DACH2: variants seen among roughly 807,000 people sequenced by gnomAD.
DACH2 encodes dachshund family transcription factor 2.
In DACH2, 17 loss-of-function variants were observed where a neutral mutation model predicts 35.8. The observed-to-expected ratio is 0.48, with a 90% confidence interval of 0.33 to 0.71. The LOEUF is 0.71. Among genes scored for constraint, DACH2 ranks in the 30% least tolerant of loss-of-function variants. The pLI, the probability that DACH2 is intolerant of heterozygous loss-of-function variation, is 0.02. For synonymous variants in DACH2, 195 were observed against 177.3 expected (o/e 1.10, Z -0.79); for missense variants, 469 against 472.7 (o/e 0.99, Z 0.07).
intron 1 of DACH2, among the ~76,000 whole-genome samples, chrX:86,332,967 C>G (rs971185685): frequency 1.2e-4 from 13 of 111,583 alleles, no homozygotes; most frequent in African/African-American, 4.2e-4. Context: ...GTAATTTATG[C>G]TTATTAGTTT....
chrX:86,346,363 C>A (rs1280301680), intron 1 of DACH2, among the ~76,000 whole-genome samples: 1 of 108,926 alleles, frequency 9.2e-6, no homozygotes, highest in African/African-American at 3.3e-5. Flanking sequence ...GCAGGTATCA[C>A]TTTCGCATCT....
chrX:86,706,106 C>T (rs917898430), intron 5 of DACH2, among the ~76,000 whole-genome samples: 3 of 109,723 alleles, frequency 2.7e-5, no homozygotes, highest in African/African-American at 6.6e-5. Context: ...AGGAGTGTGG[C>T]GGGGTGGGTG....
intron 5 of DACH2, among the ~76,000 whole-genome samples, chrX:86,705,029 TATATATATATATATATCTCAC>T (rs1358590796): frequency 3.6e-5 from 3 of 83,685 alleles, no homozygotes; most frequent in South Asian, 4.5e-4. Context: ...CAGAAATTGT[TATATATATATATATATCTCAC>T]ATATATATAT....
chrX:86,232,283 A>G (rs763711511), intron 1 of DACH2, among the ~76,000 whole-genome samples: 12 of 112,501 alleles, frequency 1.1e-4, no homozygotes, highest in Non-Finnish European at 2.1e-4. Context: ...CATTCTGGAT[A>G]TAGAAACTGG....
At chrX:86,328,744 C>G (rs1424582048) in intron 1 of DACH2, among the ~76,000 whole-genome samples, 1 of 111,705 alleles carries the variant, frequency 9.0e-6, no homozygotes, top group African/African-American at 3.2e-5. Flanking sequence ...ACCTTCAATT[C>G]CTGAATTGCA....
At chrX:86,294,625 T>C (rs2034399927) in intron 1 of DACH2, among the ~76,000 whole-genome samples, 1 of 109,509 alleles carries the variant, frequency 9.1e-6, no homozygotes, top group Non-Finnish European at 1.9e-5. Context: ...TTTCTGTTTG[T>C]TAGTTTTCCT....
At chrX:86,299,784 C>G (rs919927367) in intron 1 of DACH2, among the ~76,000 whole-genome samples, 2 of 111,905 alleles carry the variant, frequency 1.8e-5, no homozygotes, top group African/African-American at 6.5e-5. Flanking sequence ...TGGCATTTCT[C>G]CCCCTTTGGC....
chrX:86,654,315 T>C (rs770754459), intron 4 of DACH2, among the ~76,000 whole-genome samples: 88 of 110,383 alleles, frequency 8.0e-4, no homozygotes, highest in Admixed American at 2.7e-3. Flanking sequence ...TTTACATCTC[T>C]TTTTCTAGGC....
chrX:86,330,423 T>C (rs2035191749), intron 1 of DACH2, among the ~76,000 whole-genome samples: 1 of 111,671 alleles, frequency 9.0e-6, no homozygotes, highest in Non-Finnish European at 1.9e-5. Flanking sequence ...ACAGTAAATA[T>C]GAATTCAACT....
At chrX:86,367,173 T>A (rs1403532605) in intron 1 of DACH2, among the ~76,000 whole-genome samples, 1 of 107,909 alleles carries the variant, frequency 9.3e-6, no homozygotes, top group African/African-American at 3.4e-5. Flanking sequence ...AGATAGACAA[T>A]GTCTTTTTAT....
intron 2 of DACH2, among the ~76,000 whole-genome samples, chrX:86,399,729 A>T (rs2036383100): frequency 8.9e-6 from 1 of 111,914 alleles, no homozygotes; most frequent in Non-Finnish European, 1.9e-5. Context: ...TCTGGCTTGT[A>T]GAGTTTCTGC....
intron 2 of DACH2, among the ~76,000 whole-genome samples, chrX:86,463,031 G>A (rs2037602866): frequency 9.0e-6 from 1 of 111,308 alleles, no homozygotes; most frequent in South Asian, 3.7e-4. Context: ...AAACCACAGG[G>A]CTTTGAGCAT....
Position 86,790,250 on chromosome X carries a change from C to T in DACH2, c.1241-22606C>T, listed in dbSNP as rs183607698. ...CTAAATGTTCTACACCCAAATGATT[C>T]AACAATAAGGGTCAATATAGTCGTA... On this transcript the variant is annotated intron_variant, in intron 7 of 11. Coordinates refer to ENST00000373125, the MANE Select transcript of DACH2 (RefSeq NM_053281.3). Among the ~76,000 whole-genome samples the T allele has an allele frequency of 2.7e-3, 299 of 111,437 alleles. 1 individual carries two copies. Among genetic ancestry groups the T allele is most frequent in the African/African-American group, 9.2e-3 (284 of 30,786 alleles).
rs371198502 is a variant in DACH2 at position 86,288,083 on chromosome X, T to G, written c.489-88741T>G. On this transcript the variant is annotated intron_variant, in intron 1 of 11. Coordinates refer to ENST00000373125, the MANE Select transcript of DACH2 (RefSeq NM_053281.3). ...GACTTGGGTGATGCAATCTAAGCTG[T>G]ATGTGCTTTAGGGAGCACCCTAAGC... Among the ~76,000 whole-genome samples, 53 of 112,448 alleles carry G rather than the reference T, an allele frequency of 4.7e-4. 1 individual carries two copies. The East Asian group carries it at 5.9e-3, about 13-fold the overall frequency.
intron 11 of DACH2, chrX:86,827,618 G>A (rs776588074): frequency 1.2e-4 from 55 of 454,279 alleles, no homozygotes; most frequent in South Asian, 3.2e-4. Flanking sequence ...CATTAATTGC[G>A]AGAGATATAT....
intron 4 of DACH2, among the ~76,000 whole-genome samples, chrX:86,654,200 A>AAC (rs2040514135): frequency 9.4e-6 from 1 of 106,602 alleles, no homozygotes; most frequent in African/African-American, 3.4e-5. Context: ...AAAAAAAAAA[A>AAC]AAAAAAAAAA....
At chrX:86,341,309 T>C (rs1000500761) in intron 1 of DACH2, among the ~76,000 whole-genome samples, 2 of 111,696 alleles carry the variant, frequency 1.8e-5, no homozygotes, top group African/African-American at 6.5e-5. Flanking sequence ...CTGAAAATCC[T>C]AAGGCCCTTA....
chrX:86,248,723 G>A (rs1236772928), intron 1 of DACH2, among the ~76,000 whole-genome samples: 1 of 111,063 alleles, frequency 9.0e-6, no homozygotes, highest in Non-Finnish European at 1.9e-5. Flanking sequence ...CCAAAAAAGA[G>A]CTCAAATAGC....
intron 4 of DACH2, among the ~76,000 whole-genome samples, chrX:86,652,434 A>G (rs1356651682): frequency 8.9e-6 from 1 of 112,362 alleles, no homozygotes; most frequent in African/African-American, 3.2e-5. Flanking sequence ...TCATGGTAGA[A>G]CAATTTATAT....
Sources: gnomAD v4.1 joint callset for allele counts (sites outside exome capture counted in the v4.1 genomes callset) on GRCh38, gnomAD v4.1.1 for gene constraint, MANE v1.5 for transcripts, NCBI Gene and HGNC (gene_info 2026-07-23, HGNC 2026-07-21) for gene names.